Variants in BCAS1 observed in about 807,000 individuals in gnomAD.
BCAS1 encodes the protein brain enriched myelin associated protein 1.
BCAS1 carries 46 observed loss-of-function variants against 65.4 expected under a neutral mutation model. The ratio of observed to expected loss-of-function variants is 0.70; its 90% CI spans 0.55 to 0.90. The LOEUF (loss-of-function observed/expected upper bound fraction) is 0.90, where lower values mean the gene tolerates loss of function less well. BCAS1 is among the 40% of genes least tolerant of loss of function. BCAS1 has a pLI of 0.00. For missense variants in BCAS1, 793 were observed against 771.2 expected, an observed-to-expected ratio of 1.03 and a Z score of -0.33; for synonymous variants, 298 against 293.5, an observed-to-expected ratio of 1.02 and a Z score of -0.16.
At chr20:54,022,983 A>C (rs1468996345) in intron 4 of BCAS1, among the ~76,000 whole-genome samples, 1 of 152,246 alleles carries the variant, frequency 6.6e-6, no homozygotes, top group Admixed American at 6.5e-5. Context: ...GCATAATGTA[A>C]GATGGATTTT....
chr20:54,057,060 C>A (rs1367493117), intron 3 of BCAS1, among the ~76,000 whole-genome samples: 1 of 152,176 alleles, frequency 6.6e-6, no homozygotes, highest in Admixed American at 6.5e-5. Context: ...GGCTATACTA[C>A]CTCTTCTTAC....
At chr20:53,967,783 A>G (rs932624263) in intron 9 of BCAS1, among the ~76,000 whole-genome samples, 1 of 152,084 alleles carries the variant, frequency 6.6e-6, no homozygotes, top group African/African-American at 2.4e-5. Flanking sequence ...CCCATCTACC[A>G]CACTCTGCTC....
intron 4 of BCAS1, among the ~76,000 whole-genome samples, chr20:54,002,808 T>TG (rs1423401540): frequency 6.6e-6 from 1 of 152,188 alleles, no homozygotes; most frequent in Non-Finnish European, 1.5e-5. Flanking sequence ...TTCAATTGAG[T>TG]AATTTTGCAA....
intron 7 of BCAS1, among the ~76,000 whole-genome samples, chr20:53,989,633 C>T (rs1343597785): frequency 2.6e-5 from 4 of 152,182 alleles, no homozygotes; most frequent in African/African-American, 9.7e-5. Context: ...CACCATTAGT[C>T]TTTTCATTCC....
At chr20:53,989,460 T>C (rs1299152155) in intron 7 of BCAS1, among the ~76,000 whole-genome samples, 2 of 152,182 alleles carry the variant, frequency 1.3e-5, no homozygotes, top group African/African-American at 4.8e-5. Context: ...ACGTCCCCAA[T>C]TCCCATCAGG....
At chr20:53,995,755 G>A in intron 5 of BCAS1, 137 bp downstream of exon 5, 7 of 999,086 alleles carry the variant, frequency 7.0e-6, no homozygotes, top group Non-Finnish European at 9.8e-6. Context: ...AGCATATCTT[G>A]TCCCTGTTCT....
intron 4 of BCAS1, among the ~76,000 whole-genome samples, chr20:54,008,624 C>A (rs1433565100): frequency 6.6e-6 from 1 of 152,144 alleles, no homozygotes; most frequent in Non-Finnish European, 1.5e-5. Context: ...CCGGGACAGC[C>A]AGCTAAAATA....
At chr20:54,038,324 ACT>A (rs1420225867) in intron 3 of BCAS1, among the ~76,000 whole-genome samples, 1 of 150,832 alleles carries the variant, frequency 6.6e-6, no homozygotes, top group Non-Finnish European at 1.5e-5. Flanking sequence ...AGGATTCATC[ACT>A]CTCTGAAATG....
Position 53,992,505 on chromosome 20 carries a change from T to C in BCAS1, c.1062+7A>G. On this transcript the variant is annotated splice_region_variant and intron_variant, in intron 7 of 12. Transcript: ENST00000688948. The stretch of plus-strand genomic sequence containing the variant: ...TGTTTTTCCTCCTACTTTAATAAGA[T>C]ACAGACCTTATGCCTAAAGAATTTT... 7.3e-7 allele frequency: 1 copy of C among 1,365,938 alleles called. No individual in the cohort carries two copies. Among genetic ancestry groups the C allele is most frequent in the Non-Finnish European group, 9.8e-7 (1 of 1,021,744 alleles). 84.6% of individuals were successfully genotyped at this position (1,365,938 alleles called of 1,614,324 possible).
chr20:54,020,778 G>A (rs1276582854), intron 4 of BCAS1, among the ~76,000 whole-genome samples: 1 of 152,170 alleles, frequency 6.6e-6, no homozygotes, highest in Non-Finnish European at 1.5e-5. Flanking sequence ...TAAAAATAAG[G>A]TAGTGGGTCA....
intron 8 of BCAS1, among the ~76,000 whole-genome samples, chr20:53,979,604 C>T (rs899598492): frequency 1.3e-5 from 2 of 152,182 alleles, no homozygotes; most frequent in African/African-American, 4.8e-5. Context: ...TAAATTGGCA[C>T]GGATCATCTC....
intron 4 of BCAS1, 192 bp downstream of exon 4, chr20:54,028,200 C>T: frequency 1.6e-6 from 1 of 627,502 alleles, no homozygotes. Context: ...TGTTATTGTT[C>T]TTCACACAGA....
rs61754120 is a variant in BCAS1, at chr20:53,985,325, G to A, written c.1237C>T (p.Pro413Ser). ...AGTTTGCCCAGAGGCAGAGAGGTGG[G>A]TCCTGATTTCTCCTTGGTGCCTTCC... The part of the protein sequence containing the change: ...AKEGTKEKSG[P>S]TSLPLGKLFW... The change falls in exon 8 of 13, where the codon CCC becomes TCC. Residue 413 changes from proline to serine, a missense_variant. Coordinates refer to ENST00000688948, the MANE Select transcript of BCAS1 (RefSeq NM_001366298.2). 2.5e-5 allele frequency: 41 copies of A among 1,613,760 alleles called. No individual in the cohort carries two copies. The highest frequency in any genetic ancestry group is 3.3e-5 in the Non-Finnish European group (39 of 1,179,960).
chr20:53,964,479 G>C (rs1243761819), intron 10 of BCAS1, among the ~76,000 whole-genome samples: 1 of 152,176 alleles, frequency 6.6e-6, no homozygotes, highest in Admixed American at 6.5e-5. Flanking sequence ...GATAATGTTC[G>C]TGTTCCCAGG....
At chr20:53,955,310 A>G (rs1313015281) in intron 11 of BCAS1, among the ~76,000 whole-genome samples, 1 of 152,226 alleles carries the variant, frequency 6.6e-6, no homozygotes, top group Non-Finnish European at 1.5e-5. Flanking sequence ...CTTCTGTAAT[A>G]TATGTCTTGA....
chr20:54,063,397 G>C (rs2092399191), intron 1 of BCAS1, among the ~76,000 whole-genome samples: 1 of 152,228 alleles, frequency 6.6e-6, no homozygotes, highest in South Asian at 2.1e-4. Context: ...GTTAGCATGA[G>C]TAGGACTCTC....
At position 53,953,450 on chromosome 20, in the gene BCAS1, C is replaced by T. The variant is rs2089593334; in HGVS notation, c.1797G>A (p.Gly599=). 4 of 1,614,042 alleles carry T rather than the reference C, an allele frequency of 2.5e-6. No individual in the cohort carries two copies. Among genetic ancestry groups the T allele is most frequent in the Non-Finnish European group, 3.4e-6 (4 of 1,180,026 alleles). The change falls in exon 12 of 13, where the codon GGG becomes GGA. Residue 599 remains glycine (G), a synonymous_variant. Transcript: ENST00000688948. ...CACCTACCAGGCCTTTAAAGAAGCC[C>T]CCAAGGGACTGCTGCCGCTTCTCAG... ...KRPEKRQQSL[G]GFFKGLGPKR... is the part of the protein sequence containing the mutation.
In BCAS1 at chr20:54,058,703, T is replaced by C; in HGVS notation, c.16A>G (p.Ser6Gly). The C allele has an allele frequency of 6.4e-7, 1 of 1,573,894 alleles. No individual in the cohort carries two copies. The highest frequency in any genetic ancestry group is 8.7e-7 in the Non-Finnish European group (1 of 1,156,022). Reference sequence around the variant, plus strand: ...TGGTCTTCAACTCTTTGGGGAACACTCATTTGGTTACCCATTGCTCCTATA... The same window carrying C: ...TGGTCTTCAACTCTTTGGGGAACACCCATTTGGTTACCCATTGCTCCTATA... MGNQM[S>G]VPQRVEDQEN... Residue 6 changes from serine (S) to glycine (G), a missense_variant, in exon 2 of 13, where the codon AGT becomes GGT. Coordinates refer to ENST00000688948, the MANE Select transcript of BCAS1 (RefSeq NM_001366298.2).
rs118102085 is a variant in BCAS1, at chr20:54,054,058, C to T, written c.142+4027G>A. Among the ~76,000 whole-genome samples, 177 of 152,292 alleles carry T rather than the reference C, an allele frequency of 1.2e-3. 3 individuals carry two copies. In the East Asian group the frequency reaches 0.029, roughly 25 times the overall value. ...AGCAAAGGGATGTCTTACATGGCAG[C>T]AGGCAAGAGAGCATATGCAGTGGAA... On this transcript the variant is annotated intron_variant, in intron 3 of 12. Transcript: ENST00000688948.
Sources: gnomAD v4.1 joint callset for allele counts (sites outside exome capture counted in the v4.1 genomes callset) on GRCh38, gnomAD v4.1.1 for gene constraint, MANE v1.5 for transcripts, NCBI Gene and HGNC (gene_info 2026-07-23, HGNC 2026-07-21) for gene names.